PXDNL: variants seen among roughly 807,000 people sequenced by gnomAD.
The protein encoded by PXDNL is probable oxidoreductase PXDNL.
Under a neutral mutation model 150.8 loss-of-function variants are expected in PXDNL, and 145 were observed. The observed-to-expected ratio is 0.96, with a 90% confidence interval of 0.84 to 1.10. The LOEUF is 1.10. Ranked by LOEUF, PXDNL falls within the 50% of genes least tolerant of loss-of-function variation. The probability of loss-of-function intolerance (pLI) is 0.00; values close to 1 mark genes in which losing one functional copy is unlikely to be tolerated. For missense variants in PXDNL, 2,087 were observed against 1,873.9 expected (o/e 1.11, Z -2.10); for synonymous variants, 757 against 725.7 (o/e 1.04, Z -0.69).
chr8:51,403,032 G>A (rs1442514247), intron 17 of PXDNL, among the ~76,000 whole-genome samples: 1 of 147,464 alleles, frequency 6.8e-6, no homozygotes, highest in African/African-American at 2.5e-5. Context: ...GGAGCTTGCA[G>A]TAAGCTGAGA....
chr8:51,809,381 G>A lies in PXDNL; in HGVS notation c.-37C>T, dbSNP rs891560657. The A allele has an allele frequency of 1.9e-5, 29 of 1,499,566 alleles. No individual in the cohort carries two copies. Among genetic ancestry groups the A allele is most frequent in the Non-Finnish European group, 2.5e-5 (28 of 1,124,164 alleles). The allele number at this position is 1,499,566 out of a possible 1,614,324, so 92.9% of individuals were successfully genotyped here. A position where few individuals can be genotyped will look rare whatever the true frequency, so the allele number is the denominator to read the frequency against. ...CTGCTGGCCACGCGAAGAAGCAGCC[G>A]GAGGGAGAGCAGCAGCTGCAGCTGC... On this transcript the variant is annotated 5_prime_UTR_variant, in exon 1 of 23. Transcript: ENST00000356297.
rs551416738 is a variant in PXDNL at position 51,343,846 on chromosome 8, A to G, written c.4016+1987T>C. ...TGGAAAAACAGATGAAATGCCAAAT[A>G]AAAGGGCCAAGTGAATGTTTCCAAC... On this transcript the variant is annotated intron_variant, in intron 20 of 22. Coordinates refer to ENST00000356297, the MANE Select transcript of PXDNL (RefSeq NM_144651.5). Among the ~76,000 whole-genome samples, 4 of 152,336 alleles carry G rather than the reference A, an allele frequency of 2.6e-5. No homozygotes were observed. The South Asian group carries it at 8.3e-4, about 32-fold the overall frequency.
chr8:51,319,900 CT>C lies in PXDNL; in HGVS notation c.4382del (p.Glu1461GlyfsTer61). Reference protein sequence around the residue: ...RDRGMPSDSPEKR With the variant: ...RDRGMPSDSPXKR ...CAGCACAAAACTTTTATTAGCGCTT[CT>C]CTGGGGAATCACTTGGCATTCCTCG... On this transcript the variant is annotated frameshift_variant, in exon 23 of 23. Coordinates refer to ENST00000356297, the MANE Select transcript of PXDNL (RefSeq NM_144651.5). LOFTEE classifies it high-confidence loss of function. The C allele has an allele frequency of 6.5e-7, 1 of 1,537,590 alleles. No homozygotes were observed. The highest frequency in any genetic ancestry group is 8.7e-7 in the Non-Finnish European group (1 of 1,145,240).
chr8:51,323,884 C>A (rs1345906900), intron 21 of PXDNL, among the ~76,000 whole-genome samples: 1 of 150,774 alleles, frequency 6.6e-6, no homozygotes, highest in Admixed American at 6.6e-5. Flanking sequence ...CCATTGCACT[C>A]CAGCCTGGGT....
chr8:51,760,237 C>T (rs1215361650), intron 1 of PXDNL, among the ~76,000 whole-genome samples: 5 of 152,186 alleles, frequency 3.3e-5, no homozygotes, highest in South Asian at 2.1e-4. Flanking sequence ...AAGTTTCACA[C>T]TTGATTGCCT....
At chr8:51,475,890 G>C (rs1810462861) in intron 6 of PXDNL, among the ~76,000 whole-genome samples, 1 of 152,016 alleles carries the variant, frequency 6.6e-6, no homozygotes. Flanking sequence ...TTGGTTTACT[G>C]TTCCTGCATT....
Position 51,423,585 on chromosome 8 carries a change from A to G in PXDNL, c.1785T>C (p.Leu595=). The G allele has an allele frequency of 1.2e-6, 2 of 1,613,646 alleles. No individual in the cohort carries two copies. Among genetic ancestry groups the G allele is most frequent in the Non-Finnish European group, 1.7e-6 (2 of 1,179,708 alleles). The stretch of plus-strand genomic sequence containing the variant: ...GCTATAGACACCTACCCGTGACTGT[A>G]AGAAACATGTTGGTCACAGCAAGGC... ...SFGLAVTNMF[L]TVTAIQGRQA... is the part of the protein sequence containing the mutation. Residue 595 remains leucine (L), a synonymous_variant, in exon 14 of 23, where the codon CTT becomes CTC. Transcript: ENST00000356297.
chr8:51,407,075 T>TA (rs1276156454), intron 17 of PXDNL, among the ~76,000 whole-genome samples: 2 of 152,234 alleles, frequency 1.3e-5, no homozygotes, highest in African/African-American at 4.8e-5. Context: ...GAAAACTGTT[T>TA]ACTTTTCACA....
chr8:51,673,237 T>C (rs892395669), intron 1 of PXDNL, among the ~76,000 whole-genome samples: 1 of 152,152 alleles, frequency 6.6e-6, no homozygotes, highest in Non-Finnish European at 1.5e-5. Flanking sequence ...GAAAATAGCG[T>C]ATCAAGCCAG....
At chr8:51,769,972 T>C (rs1419287654) in intron 1 of PXDNL, among the ~76,000 whole-genome samples, 1 of 152,066 alleles carries the variant, frequency 6.6e-6, no homozygotes, top group Non-Finnish European at 1.5e-5. Flanking sequence ...AGGGCCAAAA[T>C]CTCCACCCTC....
intron 2 of PXDNL, among the ~76,000 whole-genome samples, chr8:51,642,356 A>G (rs1439451434): frequency 6.6e-6 from 1 of 152,188 alleles, no homozygotes; most frequent in Admixed American, 6.5e-5. Context: ...TTAAAGTATA[A>G]TAATATAAAA....
At chr8:51,739,218 A>G (rs753831786) in intron 1 of PXDNL, among the ~76,000 whole-genome samples, 1 of 152,118 alleles carries the variant, frequency 6.6e-6, no homozygotes, top group Non-Finnish European at 1.5e-5. Flanking sequence ...AAGAAAAAAA[A>G]ACTTAGAAAA....
In PXDNL at chr8:51,776,853, T is replaced by A. The variant is rs142497366; in HGVS notation, c.164+32328A>T. Among the ~76,000 whole-genome samples, 305 of 152,186 alleles carry A rather than the reference T, an allele frequency of 2.0e-3. 2 individuals are homozygous for A. The highest frequency in any genetic ancestry group is 7.2e-3 in the African/African-American group (297 of 41,520). On this transcript the variant is annotated intron_variant, in intron 1 of 22. Coordinates refer to ENST00000356297, the MANE Select transcript of PXDNL (RefSeq NM_144651.5). ...CATGTATCACAATAGTCCTAAATAA[T>A]TTTTTCTTTAACTCTCTCCCTTCTG...
intron 12 of PXDNL, among the ~76,000 whole-genome samples, chr8:51,432,491 G>A (rs1809274919): frequency 6.6e-6 from 1 of 152,140 alleles, no homozygotes; most frequent in Non-Finnish European, 1.5e-5. Context: ...ATCAATGTTG[G>A]AAGAATTAGC....
intron 4 of PXDNL, 144 bp downstream of exon 4, chr8:51,556,696 T>C (rs1585577498): frequency 4.8e-6 from 3 of 622,790 alleles, no homozygotes; most frequent in Middle Eastern, 4.4e-4. Context: ...CTGATTTTTA[T>C]CCAACTGATG....
intron 2 of PXDNL, among the ~76,000 whole-genome samples, chr8:51,653,921 T>C (rs776157123): frequency 4.7e-4 from 72 of 152,242 alleles, no homozygotes; most frequent in Non-Finnish European, 8.7e-4. Flanking sequence ...AGATTTTATA[T>C]ATTGAACCTC....
intron 8 of PXDNL, among the ~76,000 whole-genome samples, chr8:51,460,800 T>G (rs1467553000): frequency 1.3e-5 from 2 of 152,068 alleles, no homozygotes; most frequent in East Asian, 1.9e-4. Flanking sequence ...TGAGCCTGCA[T>G]GGAGCCCAGG....
intron 6 of PXDNL, 143 bp downstream of exon 6, chr8:51,483,500 A>C: frequency 1.5e-6 from 1 of 666,564 alleles, no homozygotes; most frequent in South Asian, 1.7e-5. Flanking sequence ...CTCTGCAGTT[A>C]ACAAAACCAT....
intron 3 of PXDNL, among the ~76,000 whole-genome samples, chr8:51,582,926 A>C (rs1432860774): frequency 1.3e-5 from 2 of 152,190 alleles, no homozygotes; most frequent in African/African-American, 4.8e-5. Context: ...ACACATAATC[A>C]ATTGCAGAAT....
Sources: gnomAD v4.1 joint callset for allele counts (sites outside exome capture counted in the v4.1 genomes callset) on GRCh38, gnomAD v4.1.1 for gene constraint, MANE v1.5 for transcripts, NCBI Gene and HGNC (gene_info 2026-07-23, HGNC 2026-07-21) for gene names.